Variants in EMSY observed in about 807,000 individuals in gnomAD.
EMSY encodes the protein BRCA2-interacting transcriptional repressor EMSY.
EMSY carries 26 observed loss-of-function variants against 134.6 expected under a neutral mutation model. The observed-to-expected ratio is 0.19, with a 90% confidence interval of 0.14 to 0.27. The LOEUF is 0.27. EMSY is among the 10% of genes least tolerant of loss of function. The probability of loss-of-function intolerance (pLI) is 1.00; values close to 1 mark genes in which losing one functional copy is unlikely to be tolerated. For synonymous variants in EMSY, 579 were observed against 577.8 expected (o/e 1.00, Z -0.03); for missense variants, 1,305 against 1,611.4 (o/e 0.81, Z 3.26).
chr11:76,462,511 T>C (rs982213357), intron 6 of EMSY, among the ~76,000 whole-genome samples: 1 of 152,200 alleles, frequency 6.6e-6, no homozygotes, highest in Non-Finnish European at 1.5e-5. Flanking sequence ...CACATTGCCA[T>C]CTGGTAAGTG....
At chr11:76,464,207 C>G in intron 7 of EMSY, 127 bp downstream of exon 8, 1 of 1,193,336 alleles carries the variant, frequency 8.4e-7, no homozygotes, top group South Asian at 1.5e-5. Context: ...ACATCTTTTA[C>G]TTTGTTTAAT....
intron 6 of EMSY, chr11:76,460,323 A>T (rs1948057442): frequency 2.4e-6 from 1 of 413,498 alleles, no homozygotes. Flanking sequence ...TCTGCCTTTG[A>T]ACTGTGTTAT....
In EMSY at chr11:76,463,740, T is replaced by C. The variant is rs918346506; in HGVS notation, c.572-81T>C. On this transcript the variant is annotated intron_variant, in intron 6 of 20. Coordinates refer to ENST00000334736, the Ensembl canonical transcript of EMSY. ...GCTTAAGACAGAGAGAGGACAAGGA[T>C]GATATAAAGATTTTAAAAATAAAGT... The C allele has an allele frequency of 1.0e-5, 15 of 1,454,592 alleles. No individual in the cohort carries two copies. The African/African-American group carries it at 1.8e-4, about 18-fold the overall frequency. The allele number at this position is 1,454,592 out of a possible 1,614,324, so 90.1% of individuals were successfully genotyped here.
At chr11:76,533,804 C>T (rs551384618) in intron 14 of EMSY, among the ~76,000 whole-genome samples, 21 of 152,268 alleles carry the variant, frequency 1.4e-4, no homozygotes, top group African/African-American at 4.8e-4. Flanking sequence ...TCTAGATGAA[C>T]GCACACTGCA....
At chr11:76,504,163 C>T (rs1590918724) in intron 9 of EMSY, among the ~76,000 whole-genome samples, 1 of 151,944 alleles carries the variant, frequency 6.6e-6, no homozygotes, top group Non-Finnish European at 1.5e-5. Flanking sequence ...TTGCAAATTA[C>T]ATATCCGAAG....
chr11:76,497,142 A>T (rs1445097947), intron 9 of EMSY: 1 of 152,430 alleles, frequency 6.6e-6, no homozygotes, highest in African/African-American at 2.4e-5. Context: ...TGTTCAATTA[A>T]GTTTTTTCTT....
At chr11:76,510,952 T>C (rs1950253939) in intron 9 of EMSY, among the ~76,000 whole-genome samples, 1 of 152,214 alleles carries the variant, frequency 6.6e-6, no homozygotes, top group South Asian at 2.1e-4. Flanking sequence ...TGAGATTTTA[T>C]TGAGTAGATG....
At chr11:76,523,704 C>CTTTTTTTTTTTTTTTTTTTTTTTTT (rs746491659) in intron 12 of EMSY, among the ~76,000 whole-genome samples, 1 of 80,536 alleles carries the variant, frequency 1.2e-5, no homozygotes, top group African/African-American at 5.2e-5. Context: ...TTGTTACTTT[C>CTTTTTTTTTTTTTTTTTTTTTTTTT]TTTTTTTTTT....
intron 2 of EMSY, among the ~76,000 whole-genome samples, chr11:76,451,621 T>G (rs555201694): frequency 6.6e-6 from 1 of 152,344 alleles, no homozygotes; most frequent in African/African-American, 2.4e-5. Context: ...AAATATCTAC[T>G]GTTAGATTTT....
intron 9 of EMSY, among the ~76,000 whole-genome samples, chr11:76,504,710 A>G (rs893362677): frequency 1.8e-4 from 28 of 152,202 alleles, no homozygotes; most frequent in East Asian, 5.8e-4. Context: ...AATACCAAAA[A>G]ACTTGCATAC....
intron 11 of EMSY, among the ~76,000 whole-genome samples, chr11:76,520,685 T>A (rs1950609473): frequency 6.6e-6 from 1 of 152,140 alleles, no homozygotes; most frequent in South Asian, 2.1e-4. Context: ...ATGGCAAATA[T>A]ATTGTAAAGA....
At chr11:76,467,755 G>A (rs1377335614) in intron 7 of EMSY, among the ~76,000 whole-genome samples, 1 of 152,080 alleles carries the variant, frequency 6.6e-6, no homozygotes, top group Non-Finnish European at 1.5e-5. Context: ...ACTTTGGGAG[G>A]CTGAGGCAGG....
At chr11:76,487,094 G>A (rs781749038) in intron 8 of EMSY, among the ~76,000 whole-genome samples, 7 of 152,120 alleles carry the variant, frequency 4.6e-5, no homozygotes, top group Non-Finnish European at 8.8e-5. Context: ...TGGCTAACAC[G>A]GTGAAAACCT....
chr11:76,505,362 A>ATTTTT (rs372496170), intron 9 of EMSY, among the ~76,000 whole-genome samples: 5 of 126,776 alleles, frequency 3.9e-5, no homozygotes, highest in African/African-American at 8.8e-5. Context: ...CGCCCGGCTA[A>ATTTTT]TTTTTTTTTT....
At chr11:76,515,403 T>G (rs1450287970) in intron 10 of EMSY, among the ~76,000 whole-genome samples, 1 of 152,164 alleles carries the variant, frequency 6.6e-6, no homozygotes, top group African/African-American at 2.4e-5. Context: ...CAGACTCATG[T>G]AGTTAGCTTT....
chr11:76,493,044 C>T (rs1649728932), intron 8 of EMSY, among the ~76,000 whole-genome samples: 1 of 152,054 alleles, frequency 6.6e-6, no homozygotes, highest in African/African-American at 2.4e-5. Flanking sequence ...CATCCGTGTG[C>T]TCTCAGGGGC....
intron 14 of EMSY, among the ~76,000 whole-genome samples, chr11:76,534,603 T>A (rs536930276): frequency 8.5e-5 from 13 of 152,262 alleles, no homozygotes; most frequent in Admixed American, 6.5e-5. Flanking sequence ...CTTTGTGGCT[T>A]TAAAAAATAT....
At chr11:76,541,272 G>T (rs564000213) in intron 17 of EMSY, among the ~76,000 whole-genome samples, 1 of 152,150 alleles carries the variant, frequency 6.6e-6, no homozygotes, top group African/African-American at 2.4e-5. Flanking sequence ...GGTAAAATTT[G>T]ATAGATTGGT....
intron 17 of EMSY, 145 bp from the exon 19 acceptor site, chr11:76,542,071 G>T (rs1951458802): frequency 2.1e-6 from 2 of 966,672 alleles, no homozygotes; most frequent in South Asian, 2.8e-5. Context: ...TCATAGATGG[G>T]CAGACTGTGG....
Sources: allele counts gnomAD v4.1 joint callset (sites outside exome capture counted in the v4.1 genomes callset), GRCh38; gene constraint gnomAD v4.1.1; transcripts MANE v1.5; gene names NCBI Gene and HGNC (gene_info 2026-07-23, HGNC 2026-07-21).